The following KDM4C variants were observed in gnomAD, a reference collection of about 807,000 sequenced individuals.
KDM4C encodes lysine demethylase 4C.
KDM4C carries 81 observed loss-of-function variants against 129.3 expected under a neutral mutation model. That is an observed-to-expected ratio of 0.63 (90% CI 0.52 to 0.75). The LOEUF (loss-of-function observed/expected upper bound fraction) is 0.75. Ranked by LOEUF, KDM4C falls within the 30% of genes least tolerant of loss-of-function variation. The pLI, the probability that KDM4C is intolerant of heterozygous loss-of-function variation, is 0.00. For synonymous variants in KDM4C, 573 were observed against 456.1 expected (o/e 1.26, Z -3.26); for missense variants, 1,457 against 1,304.0 (o/e 1.12, Z -1.81).
intron 7 of KDM4C, among the ~76,000 whole-genome samples, chr9:6,892,286 A>G (rs192784253): frequency 7.4e-4 from 112 of 152,324 alleles, no homozygotes; most frequent in Non-Finnish European, 1.4e-3. Context: ...GGAGTGAGCA[A>G]TAAGTTTTAT....
intron 10 of KDM4C, 43 bp from the exon 11 acceptor site, chr9:6,986,301 A>T (rs1399533546): frequency 7.4e-7 from 1 of 1,355,286 alleles, no homozygotes; most frequent in Admixed American, 1.9e-5. Flanking sequence ...CTTAGTAGTA[A>T]TACAGTGCAT....
intron 18 of KDM4C, among the ~76,000 whole-genome samples, chr9:7,120,279 T>C (rs1839356229): frequency 6.6e-6 from 1 of 152,224 alleles, no homozygotes; most frequent in South Asian, 2.1e-4. Context: ...TTCCTCCTTC[T>C]TCAGGTTGTA....
intron 5 of KDM4C, among the ~76,000 whole-genome samples, chr9:6,874,196 C>T (rs1843233011): frequency 6.6e-6 from 1 of 152,218 alleles, no homozygotes; most frequent in African/African-American, 2.4e-5. Flanking sequence ...AAAAATGCCA[C>T]AGATAGGCTT....
At chr9:6,789,565 C>T (rs1826143563) in intron 1 of KDM4C, among the ~76,000 whole-genome samples, 1 of 151,878 alleles carries the variant, frequency 6.6e-6, no homozygotes, top group Non-Finnish European at 1.5e-5. Flanking sequence ...AGGGTTTCGC[C>T]ATGTTGCCCA....
At chr9:7,117,129 G>T (rs1414737388) in intron 18 of KDM4C, among the ~76,000 whole-genome samples, 1 of 152,150 alleles carries the variant, frequency 6.6e-6, no homozygotes, top group African/African-American at 2.4e-5. Context: ...CATTCAGGTT[G>T]TCAGAATCAG....
chr9:6,772,498 A>G (rs1822074241), intron 1 of KDM4C, among the ~76,000 whole-genome samples: 1 of 151,972 alleles, frequency 6.6e-6, no homozygotes. Flanking sequence ...AGTAGGTGGG[A>G]TTACAGGCAT....
chr9:7,160,482 T>C (rs1434586588), intron 19 of KDM4C, among the ~76,000 whole-genome samples: 2 of 152,260 alleles, frequency 1.3e-5, no homozygotes, highest in African/African-American at 4.8e-5. Flanking sequence ...ACCTTTGGTC[T>C]TTGATGTTGG....
chr9:7,076,763 G>A, intron 17 of KDM4C: 1 of 1,107,944 alleles, frequency 9.0e-7, no homozygotes, highest in Non-Finnish European at 1.1e-6. Context: ...TGTACTTTCT[G>A]TATCCTAGAG....
chr9:6,821,266 T>G (rs79140194), intron 4 of KDM4C, among the ~76,000 whole-genome samples: 1 of 152,196 alleles, frequency 6.6e-6, no homozygotes, highest in African/African-American at 2.4e-5. Flanking sequence ...AAATGATAAT[T>G]CTAGTTCTAG....
intron 15 of KDM4C, among the ~76,000 whole-genome samples, chr9:7,041,029 T>C (rs1323843729): frequency 6.6e-6 from 1 of 151,892 alleles, no homozygotes; most frequent in South Asian, 2.1e-4. Flanking sequence ...TGAGTAGTTT[T>C]TTTTTTTCCC....
At chr9:7,120,784 T>C (rs888004250) in intron 18 of KDM4C, among the ~76,000 whole-genome samples, 1 of 152,334 alleles carries the variant, frequency 6.6e-6, no homozygotes, top group Middle Eastern at 3.4e-3. Flanking sequence ...ACATCATATT[T>C]ACTGAACTGA....
intron 8 of KDM4C, among the ~76,000 whole-genome samples, chr9:6,922,928 A>C (rs1821804551): frequency 6.6e-6 from 1 of 152,244 alleles, no homozygotes; most frequent in African/African-American, 2.4e-5. Flanking sequence ...ATGGATGCAC[A>C]TTAGATTTGT....
intron 15 of KDM4C, among the ~76,000 whole-genome samples, chr9:7,026,584 G>C (rs751766032): frequency 6.6e-6 from 1 of 151,956 alleles, no homozygotes; most frequent in African/African-American, 2.4e-5. Context: ...GGTTAGATCT[G>C]CTTGGTATTC....
intron 13 of KDM4C, among the ~76,000 whole-genome samples, chr9:7,013,143 T>C (rs973655140): frequency 6.6e-6 from 1 of 152,156 alleles, no homozygotes; most frequent in Non-Finnish European, 1.5e-5. Context: ...ATAATAAGAT[T>C]TGTGGAGATT....
chr9:6,862,495 A>G (rs1480504155), intron 5 of KDM4C, among the ~76,000 whole-genome samples: 1 of 152,166 alleles, frequency 6.6e-6, no homozygotes, highest in East Asian at 1.9e-4. Flanking sequence ...CTGTACAGGT[A>G]GTTTTCCCTT....
At chr9:6,756,473 T>C (rs896997552), upstream of KDM4C, among the ~76,000 whole-genome samples, 2 of 152,192 alleles carry the variant, frequency 1.3e-5, no homozygotes, top group African/African-American at 4.8e-5. Flanking sequence ...TCCCAGCACT[T>C]TGGGAGGCCG....
At chr9:7,035,816 G>T (rs1412614587) in intron 15 of KDM4C, among the ~76,000 whole-genome samples, 3 of 152,038 alleles carry the variant, frequency 2.0e-5, no homozygotes, top group Admixed American at 6.6e-5. Flanking sequence ...GTAATTTCTG[G>T]GCTCTCTATT....
At chr9:7,016,685 C>A (rs1378692549) in intron 15 of KDM4C, among the ~76,000 whole-genome samples, 2 of 152,020 alleles carry the variant, frequency 1.3e-5, no homozygotes, top group Admixed American at 6.5e-5. Context: ...CTCGGCCTCC[C>A]AAAATGCTAG....
chr9:6,990,894 CTT>C lies in KDM4C; in HGVS notation c.1786+372_1786+373del, dbSNP rs762555488. Reference sequence around the variant, plus strand: ...ATTGTCTTTACTTTTAACTTCAACTCTTTACATTAATTTAACCACCTTCAGTA... The same window carrying C: ...ATTGTCTTTACTTTTAACTTCAACTCTACATTAATTTAACCACCTTCAGTA... On this transcript the variant is annotated intron_variant, in intron 12 of 21. Transcript: ENST00000381309. Among the ~76,000 whole-genome samples the C allele has an allele frequency of 6.6e-5, 10 of 152,284 alleles. No individual in the cohort carries two copies. The East Asian group carries it at 1.7e-3, about 26-fold the overall frequency.
Sources: gnomAD v4.1 joint callset for allele counts (sites outside exome capture counted in the v4.1 genomes callset) on GRCh38, gnomAD v4.1.1 for gene constraint, MANE v1.5 for transcripts, NCBI Gene and HGNC (gene_info 2026-07-23, HGNC 2026-07-21) for gene names.